SLC12A3: variants seen among roughly 807,000 people sequenced by gnomAD.
SLC12A3 encodes solute carrier family 12 member 3, also known as Na-Cl cotransporter.
In SLC12A3, 104 loss-of-function variants were observed where a neutral mutation model predicts 121.0. The ratio of observed to expected loss-of-function variants is 0.86; its 90% CI spans 0.73 to 1.01. SLC12A3 has a LOEUF of 1.01. SLC12A3 is among the 50% of genes least tolerant of loss of function. The pLI is 0.00. For synonymous variants in SLC12A3, 536 were observed against 533.4 expected, an observed-to-expected ratio of 1.00 and a Z score of -0.07; for missense variants, 1,328 against 1,356.3, an observed-to-expected ratio of 0.98 and a Z score of 0.33.
At chr16:56,882,986 C>T (rs1433140733) in intron 13 of SLC12A3, among the ~76,000 whole-genome samples, 1 of 152,062 alleles carries the variant, frequency 6.6e-6, no homozygotes, top group African/African-American at 2.4e-5. Flanking sequence ...AGCGGCTCTC[C>T]TTTCTCGCGC....
intron 11 of SLC12A3, 97 bp from the exon 12 acceptor site, chr16:56,880,033 C>T (rs533161966): frequency 1.2e-5 from 18 of 1,509,956 alleles, no homozygotes; most frequent in East Asian, 7.0e-5. Flanking sequence ...GGGGAGGTCA[C>T]GGAGGGCACC....
intron 23 of SLC12A3, among the ~76,000 whole-genome samples, chr16:56,899,946 C>A (rs1165941061): frequency 6.6e-6 from 1 of 152,178 alleles, no homozygotes; most frequent in African/African-American, 2.4e-5. Flanking sequence ...TTAAGCAAAC[C>A]CCTGTGTGAA....
chr16:56,881,170 T>C (rs2055235288), intron 12 of SLC12A3, among the ~76,000 whole-genome samples: 1 of 152,204 alleles, frequency 6.6e-6, no homozygotes, highest in Admixed American at 6.5e-5. Flanking sequence ...CTCCCTGGGC[T>C]CATGGGCACC....
chr16:56,902,556 G>T, intron 24 of SLC12A3, 48 bp downstream of exon 24: 2 of 1,605,982 alleles, frequency 1.2e-6, no homozygotes, highest in Non-Finnish European at 1.7e-6. Context: ...ACTGGGTCAG[G>T]GACGGGTGTC....
Position 56,893,001 on chromosome 16 carries a change from A to T in SLC12A3, c.2468A>T (p.Gln823Leu), listed in dbSNP as rs375280233. 1.7e-5 allele frequency: 27 copies of T among 1,614,122 alleles called. No individual in the cohort carries two copies. The African/African-American group carries it at 3.5e-4, about 21-fold the overall frequency. The change falls in exon 21 of 26, where the codon CAG (glutamine) becomes CTG (leucine). Residue 823 changes from glutamine to leucine, a missense_variant. Physicochemically the swap from Gln to Leu is moderately radical, Grantham distance 113. Transcript: ENST00000563236. ...GAGGAGCAGGCCACCACCATCTTCC[A>T]GTCGGAGCAGGGCAAGAAGACCATA... ...VKEEQATTIF[Q>L]SEQGKKTIDI...
chr16:56,884,254 T>C (rs762693069), intron 14 of SLC12A3, 50 bp downstream of exon 14: 14 of 1,601,440 alleles, frequency 8.7e-6, no homozygotes, highest in Non-Finnish European at 1.2e-5. Flanking sequence ...AGGGTAGCCA[T>C]GCAGGCGGCC....
At chr16:56,867,588 A>G (rs931051100) in intron 2 of SLC12A3, among the ~76,000 whole-genome samples, 11 of 152,310 alleles carry the variant, frequency 7.2e-5, no homozygotes, top group African/African-American at 2.6e-4. Flanking sequence ...AGGGGATCTT[A>G]TGGGATGTAG....
rs778484960 is a variant in SLC12A3, at chr16:56,878,039, CCTCCCTCCCTCCCTCCCTCT to C, written c.1096-25_1096-6del. On this transcript the variant is annotated intron_variant, in intron 8 of 25. Transcript: ENST00000563236. ...TCCTCCGTCCCTCCCTCCCTCTCTC[CCTCCCTCCCTCCCTCCCTCT>C]CTCCCTCCCTCCTTCAGGACCCTGC... is the stretch of plus-strand genomic sequence containing the variant. The C allele has an allele frequency of 7.6e-6, 4 of 525,788 alleles. No individual in the cohort carries two copies. Among genetic ancestry groups the C allele is most frequent in the Non-Finnish European group, 1.0e-5 (3 of 290,020 alleles). The allele number at this position is 525,788 out of a possible 1,614,324, so 32.6% of individuals were successfully genotyped here.
chr16:56,904,115 G>C (rs1408905264), intron 24 of SLC12A3: 1 of 399,538 alleles, frequency 2.5e-6, no homozygotes, highest in Admixed American at 3.6e-5. Flanking sequence ...TCTGAACCTA[G>C]TAAGGTGTTC....
In SLC12A3 at chr16:56,872,778, G is replaced by C; in HGVS notation, c.1087G>C (p.Asp363His). 6.2e-7 allele frequency: 1 copy of C among 1,614,244 alleles called. No homozygotes were observed. The highest frequency in any genetic ancestry group is 8.5e-7 in the Non-Finnish European group (1 of 1,180,044). ...CCTGGCAGGGGCCAACATATCTGGT[G>C]ACCTCAAGGTGAGCAGAATACTTGC... Reference protein sequence around the residue: ...GILAGANISGDLKDPAIAIPK... With the variant: ...GILAGANISGHLKDPAIAIPK... The change falls in exon 8 of 26, where the codon GAC becomes CAC. Residue 363 changes from aspartate (D) to histidine (H), a missense_variant. Asp to His is a moderately conservative substitution (Grantham distance 81, BLOSUM62 -1). Transcript: ENST00000563236.
chr16:56,892,953 T>G lies in SLC12A3; in HGVS notation c.2420T>G (p.Val807Gly), dbSNP rs759039589. The G allele has an allele frequency of 1.2e-6, 2 of 1,613,862 alleles. No individual in the cohort carries two copies. The highest frequency in any genetic ancestry group is 1.1e-5 in the South Asian group (1 of 91,056). Residue 807 changes from valine (V) to glycine (G), a missense_variant and splice_region_variant, in exon 21 of 26, where the codon GTG (valine) becomes GGG (glycine). Transcript: ENST00000563236. The stretch of plus-strand genomic sequence containing the variant: ...TCTGACCCGCCCCCACCTCCTGCAG[T>G]GGACCCCAAGGCCCTGGTGAAGGAG... ...AEDGKEASARVDPKALVKEEQ... is the reference protein window; with the variant it reads ...AEDGKEASARGDPKALVKEEQ...
chr16:56,889,503 G>C (rs1226253687), intron 18 of SLC12A3, among the ~76,000 whole-genome samples: 1 of 152,142 alleles, frequency 6.6e-6, no homozygotes, highest in Non-Finnish European at 1.5e-5. Context: ...TTGAGACAGA[G>C]TCTTGTTCTG....
chr16:56,886,932 C>A, intron 16 of SLC12A3, 21 bp from the exon 17 acceptor site: 1 of 1,612,976 alleles, frequency 6.2e-7, no homozygotes, highest in Non-Finnish European at 8.5e-7. Flanking sequence ...TGGTGATGTC[C>A]CCTGCCCCTC....
At position 56,868,300 on chromosome 16, in the gene SLC12A3, C is replaced by A. The variant is rs148945966; in HGVS notation, c.433C>A (p.Arg145Ser). The A allele has an allele frequency of 6.2e-7, 1 of 1,614,026 alleles. No individual in the cohort carries two copies. ...TCTGACCCCCCTGTCCTCCCAGATTCGTTGCATGCTCAACATTTGGGGCGT... is the reference window on the plus strand; with the variant it reads ...TCTGACCCCCCTGTCCTCCCAGATTAGTTGCATGCTCAACATTTGGGGCGT... Reference protein sequence around the residue: ...RFGWVKGVMIRCMLNIWGVIL... With the variant: ...RFGWVKGVMISCMLNIWGVIL... The change falls in exon 3 of 26, where the codon CGT (arginine) becomes AGT (serine). Residue 145 changes from arginine to serine, a missense_variant. Physicochemically the swap from Arg to Ser is moderately radical, Grantham distance 110 (BLOSUM62 -1). Coordinates refer to ENST00000563236, the MANE Select transcript of SLC12A3 (RefSeq NM_001126108.2).
chr16:56,889,149 A>C (rs1257684315), intron 18 of SLC12A3, among the ~76,000 whole-genome samples: 1 of 150,858 alleles, frequency 6.6e-6, no homozygotes, highest in Non-Finnish European at 1.5e-5. Flanking sequence ...CATGAGGCTG[A>C]GGGTTGGGGC....
intron 18 of SLC12A3, among the ~76,000 whole-genome samples, chr16:56,889,281 G>A (rs2055358564): frequency 6.6e-6 from 1 of 152,144 alleles, no homozygotes; most frequent in African/African-American, 2.4e-5. Flanking sequence ...CCTCCCTCCA[G>A]CTCCAACATT....
chr16:56,909,580 A>C (rs894020584), intron 25 of SLC12A3, among the ~76,000 whole-genome samples: 2 of 152,172 alleles, frequency 1.3e-5, no homozygotes, highest in East Asian at 3.9e-4. Flanking sequence ...TGTTGCCCAA[A>C]GAGGCCCCAG....
intron 7 of SLC12A3, 95 bp downstream of exon 7, chr16:56,872,557 TACCC>T: frequency 6.3e-7 from 1 of 1,599,532 alleles, no homozygotes; most frequent in Non-Finnish European, 8.6e-7. Flanking sequence ...AGGATGGGAT[TACCC>T]AATCCCATGG....
At chr16:56,895,651 C>T (rs2055452652) in intron 22 of SLC12A3, among the ~76,000 whole-genome samples, 1 of 151,976 alleles carries the variant, frequency 6.6e-6, no homozygotes, top group South Asian at 2.1e-4. Context: ...CTTTTTGGCA[C>T]CAGGGACTGG....
Sources: allele counts gnomAD v4.1 joint callset (sites outside exome capture counted in the v4.1 genomes callset), GRCh38; gene constraint gnomAD v4.1.1; transcripts MANE v1.5; gene names NCBI Gene and HGNC (gene_info 2026-07-23, HGNC 2026-07-21).